Variants in TJP3 observed in about 807,000 individuals in gnomAD.
TJP3 encodes tight junction protein ZO-3.
In TJP3, 85 loss-of-function variants were observed where a neutral mutation model predicts 104.2. The ratio of observed to expected loss-of-function variants is 0.82; its 90% CI spans 0.68 to 0.98. TJP3 has a LOEUF of 0.98. Among genes scored for constraint, TJP3 ranks in the 50% least tolerant of loss-of-function variants. The pLI is 0.00. For missense variants in TJP3, 1,367 were observed against 1,322.8 expected, an observed-to-expected ratio of 1.03 and a Z score of -0.52; for synonymous variants, 550 against 550.6, an observed-to-expected ratio of 1.00 and a Z score of 0.02.
chr19:3,726,956 G>A (rs1420391071), intron 1 of TJP3, among the ~76,000 whole-genome samples: 1 of 151,592 alleles, frequency 6.6e-6, no homozygotes, highest in Non-Finnish European at 1.5e-5. Context: ...GCATCGTGAT[G>A]TGTGCCTGTG....
chr19:3,744,227 CCTT>C (rs1382312470), intron 15 of TJP3, among the ~76,000 whole-genome samples, 193 bp downstream of exon 15: 1 of 152,152 alleles, frequency 6.6e-6, no homozygotes, highest in Non-Finnish European at 1.5e-5. Flanking sequence ...ACCTCCAAAT[CCTT>C]CTTAACACAG....
rs751295592 is a variant in TJP3 at position 3,750,176 on chromosome 19, C to T, written c.2649C>T (p.Asp883=). ...ACCCCCAGGGACAGTGGCGACAGGA[C>T]AGCATGCGGTAAGAACCCCATATTC... ...SRHPQGQWRQ[D]SMRTYEREAL... is the part of the protein sequence containing the mutation. Residue 883 remains aspartate, a synonymous_variant, in exon 20 of 21, where the codon GAC becomes GAT. Transcript: ENST00000541714. 2 of 1,612,192 alleles carry T rather than the reference C, an allele frequency of 1.2e-6. No individual in the cohort carries two copies. Among genetic ancestry groups the T allele is most frequent in the Non-Finnish European group, 1.7e-6 (2 of 1,179,618 alleles).
At position 3,730,473 on chromosome 19, in the gene TJP3, G is replaced by A. The variant is rs2145682947; in HGVS notation, c.380G>A (p.Gly127Asp). 6.3e-7 allele frequency: 1 copy of A among 1,584,212 alleles called. No homozygotes were observed. Among genetic ancestry groups the A allele is most frequent in the South Asian group, 1.1e-5 (1 of 88,354 alleles). The change falls in exon 5 of 21, where the codon GGC (glycine) becomes GAC (aspartate). Residue 127 changes from glycine to aspartate, a missense_variant. Transcript: ENST00000541714. The surrounding 1 kb of genome is among the most constrained non-coding windows in gnomAD (Gnocchi z 7.3). ...GPQRVEEVDQ[G>D]RGYDGDSSSG... is the part of the protein sequence containing the mutation. The stretch of plus-strand genomic sequence containing the variant: ...CAGCGGGTGGAGGAGGTGGACCAGG[G>A]CCGGGGCTATGACGGCGACTCATCC...
intron 13 of TJP3, among the ~76,000 whole-genome samples, chr19:3,740,265 G>A (rs760104433): frequency 6.6e-6 from 1 of 152,016 alleles, no homozygotes; most frequent in Non-Finnish European, 1.5e-5. Context: ...AAGATTAGCT[G>A]GGCGTGGTGG....
chr19:3,719,554 G>A (rs964261648), intron 1 of TJP3, among the ~76,000 whole-genome samples: 1 of 151,632 alleles, frequency 6.6e-6, no homozygotes, highest in Non-Finnish European at 1.5e-5. Context: ...TGGCCAACAT[G>A]GGGAAACCCC....
Position 3,735,614 on chromosome 19 carries a change from C to G in TJP3, c.1035C>G (p.Ile345Met). ...AAAGTTCAGTAGATTCCAGAACCAT[C>G]TCGGAACCAGATGAGCAACGGTCAG... ...RRESSVDSRT[I>M]SEPDEQRSEL... The change falls in exon 9 of 21, where the codon ATC becomes ATG. Residue 345 changes from isoleucine to methionine, a missense_variant. Physicochemically the swap from Ile to Met is conservative, Grantham distance 10. Coordinates refer to ENST00000541714, the MANE Select transcript of TJP3 (RefSeq NM_001267560.2). 1 of 1,614,228 alleles carries G rather than the reference C, an allele frequency of 6.2e-7. No individual in the cohort carries two copies. Among genetic ancestry groups the G allele is most frequent in the African/African-American group, 1.3e-5 (1 of 75,062 alleles).
At chr19:3,722,225 G>T (rs1157538158) in intron 1 of TJP3, among the ~76,000 whole-genome samples, 5 of 152,164 alleles carry the variant, frequency 3.3e-5, no homozygotes, top group Admixed American at 3.3e-4. Context: ...GTGTAACGTG[G>T]GGCCAGTGAG....
intron 14 of TJP3, among the ~76,000 whole-genome samples, chr19:3,742,112 G>T (rs963224894): frequency 1.3e-5 from 2 of 152,120 alleles, no homozygotes; most frequent in African/African-American, 2.4e-5. Flanking sequence ...AAAGGAAAAA[G>T]AAATAGCAAT....
chr19:3,735,194 T>C (rs1678780147), intron 8 of TJP3, among the ~76,000 whole-genome samples: 1 of 151,808 alleles, frequency 6.6e-6, no homozygotes, highest in African/African-American at 2.4e-5. Context: ...TTTTATTTTG[T>C]TTATTTATTT....
chr19:3,746,733 C>G lies in TJP3; in HGVS notation c.2221+38C>G, dbSNP rs1423691476. On this transcript the variant is annotated intron_variant, in intron 17 of 20. Coordinates refer to ENST00000541714, the MANE Select transcript of TJP3 (RefSeq NM_001267560.2). The surrounding 1 kb of genome is among the most constrained non-coding windows in gnomAD (Gnocchi z 4.1). Reference sequence around the variant, plus strand: ...GTGTCCCAGGGTAGGCGGGTGGGCCCCAGCCTGAGTCTCCTGCACACACTG... The same window carrying G: ...GTGTCCCAGGGTAGGCGGGTGGGCCGCAGCCTGAGTCTCCTGCACACACTG... 8 of 1,599,968 alleles carry G rather than the reference C, an allele frequency of 5.0e-6. No homozygotes were observed. The highest frequency in any genetic ancestry group is 6.8e-6 in the Non-Finnish European group (8 of 1,173,264).
At chr19:3,741,190 A>G (rs1328458931) in intron 14 of TJP3, among the ~76,000 whole-genome samples, 1 of 151,776 alleles carries the variant, frequency 6.6e-6, no homozygotes, top group Non-Finnish European at 1.5e-5. Context: ...TTTAGTAAAG[A>G]CGGGGTTTCA....
intron 1 of TJP3, among the ~76,000 whole-genome samples, chr19:3,724,558 A>G (rs1269036811): frequency 1.3e-5 from 2 of 151,664 alleles, no homozygotes; most frequent in Non-Finnish European, 2.9e-5. Context: ...TTTTTTTGAG[A>G]CAGGGTCTTG....
At position 3,735,582 on chromosome 19, in the gene TJP3, C is replaced by T. The variant is rs145305531; in HGVS notation, c.1003C>T (p.Arg335Trp). The change falls in exon 9 of 21, where the codon CGG becomes TGG. Residue 335 changes from arginine to tryptophan, a missense_variant. Arg to Trp is a moderately radical substitution (Grantham distance 101). Transcript: ENST00000541714. Reference protein sequence around the residue: ...TDSPVESPRLRRESSVDSRTI... With the variant: ...TDSPVESPRLWRESSVDSRTI... Reference sequence around the variant, plus strand: ...CCCCACCAGGGAGAGTCCCCGGCTTCGGCGGGAAAGTTCAGTAGATTCCAG... The same window carrying T: ...CCCCACCAGGGAGAGTCCCCGGCTTTGGCGGGAAAGTTCAGTAGATTCCAG... The T allele has an allele frequency of 9.3e-5, 150 of 1,614,216 alleles. No individual in the cohort carries two copies. The African/African-American group carries it at 1.4e-3, about 15-fold the overall frequency.
chr19:3,721,442 G>A (rs1486060667), intron 1 of TJP3, among the ~76,000 whole-genome samples: 1 of 152,216 alleles, frequency 6.6e-6, no homozygotes, highest in Non-Finnish European at 1.5e-5. Flanking sequence ...AGGCCTCCCA[G>A]ATGCACCTCA....
At chr19:3,718,905 C>T (rs972793153) in intron 1 of TJP3, among the ~76,000 whole-genome samples, 4 of 151,742 alleles carry the variant, frequency 2.6e-5, no homozygotes, top group Non-Finnish European at 5.9e-5. Context: ...CTGGACTGGC[C>T]GGGCGTGGTG....
At position 3,733,814 on chromosome 19, in the gene TJP3, C is replaced by T; in HGVS notation, c.779C>T (p.Ser260Leu). The T allele has an allele frequency of 6.2e-7, 1 of 1,614,200 alleles. No homozygotes were observed. Among genetic ancestry groups the T allele is most frequent in the Non-Finnish European group, 8.5e-7 (1 of 1,180,038 alleles). Reference protein sequence around the residue: ...LNDTRRLIEKSEGKLSLLVLR... With the variant: ...LNDTRRLIEKLEGKLSLLVLR... Reference sequence around the variant, plus strand: ...GACACCCGGCGACTGATTGAGAAGTCAGAAGGGAAGCTAAGCCTGCTGGTG... The same window carrying T: ...GACACCCGGCGACTGATTGAGAAGTTAGAAGGGAAGCTAAGCCTGCTGGTG... The change falls in exon 7 of 21, where the codon TCA becomes TTA. Residue 260 changes from serine (S) to leucine (L), a missense_variant. Coordinates refer to ENST00000541714, the MANE Select transcript of TJP3 (RefSeq NM_001267560.2).
chr19:3,748,267 ATTTTTTTTT>A (rs1274711670), intron 19 of TJP3, among the ~76,000 whole-genome samples, 186 bp downstream of exon 19: 1 of 119,740 alleles, frequency 8.4e-6, no homozygotes, highest in South Asian at 2.7e-4. Context: ...AACTTGCAGC[ATTTTTTTTT>A]TTTTTTTTTT....
rs866203603 is a variant in TJP3 at position 3,746,048 on chromosome 19, C to G, written c.1977C>G (p.Ile659Met). ...VSRTDSPSKIIKLDTVRVIAE... is the reference protein window; with the variant it reads ...VSRTDSPSKIMKLDTVRVIAE... ...GGACCGACAGCCCCTCCAAGATCAT[C>G]AAACTAGACACCGTGCGGGTGATTG... Residue 659 changes from isoleucine (I) to methionine (M), a missense_variant, in exon 16 of 21, where the codon ATC (isoleucine) becomes ATG (methionine). Transcript: ENST00000541714. The surrounding 1 kb of genome is among the most constrained non-coding windows in gnomAD (Gnocchi z 4.1). 7 of 1,610,146 alleles carry G rather than the reference C, an allele frequency of 4.3e-6. No individual in the cohort carries two copies. The Middle Eastern group carries it at 1.2e-3, about 266-fold the overall frequency.
At chr19:3,728,525 C>T (rs774189237) in intron 2 of TJP3, 45 bp downstream of exon 2, 3 of 1,600,066 alleles carry the variant, frequency 1.9e-6, no homozygotes, top group Middle Eastern at 1.7e-4. Context: ...AGTATGGCGG[C>T]TTAGGCCCAG....
Sources: allele counts gnomAD v4.1 joint callset (sites outside exome capture counted in the v4.1 genomes callset), GRCh38; gene constraint gnomAD v4.1.1; non-coding constraint Gnocchi (gnomAD v3.1); transcripts MANE v1.5; gene names NCBI Gene and HGNC (gene_info 2026-07-23, HGNC 2026-07-21).